Variants in TNS2 observed in about 807,000 individuals in gnomAD.
TNS2 encodes tensin 2, also known as tensin-2.
In TNS2, 77 loss-of-function variants were observed where a neutral mutation model predicts 155.7. The ratio of observed to expected loss-of-function variants is 0.49; its 90% confidence interval spans 0.41 to 0.60. The LOEUF (loss-of-function observed/expected upper bound fraction) is 0.60. Ranked by LOEUF, TNS2 falls within the 20% of genes least tolerant of loss-of-function variation. The pLI is 0.00. For synonymous variants in TNS2, 726 were observed against 763.9 expected, an observed-to-expected ratio of 0.95 and a Z score of 0.82; for missense variants, 1,703 against 1,868.8, an observed-to-expected ratio of 0.91 and a Z score of 1.64.
chr12:53,057,462 A>C (rs543021401), intron 11 of TNS2, 105 bp from the exon 12 acceptor site: 1 of 855,330 alleles, frequency 1.2e-6, no homozygotes, highest in African/African-American at 1.7e-5. Context: ...ATGGGAAGGA[A>C]GTGTTGAGCA....
At chr12:53,061,350 G>A (rs755024513) in intron 20 of TNS2, 30 bp from the exon 21 acceptor site, 20 of 1,613,536 alleles carry the variant, frequency 1.2e-5, no homozygotes, top group East Asian at 2.2e-5. Flanking sequence ...GGGTACCCTG[G>A]GGTCTGAACC....
At chr12:53,053,608 G>A (rs1944022456) in intron 4 of TNS2, 159 bp downstream of exon 4, 7 of 1,356,982 alleles carry the variant, frequency 5.2e-6, no homozygotes, top group East Asian at 4.9e-5. Flanking sequence ...TGAGTCCTCT[G>A]CTGATCTTGT....
At position 53,058,087 on chromosome 12, in the gene TNS2, C is replaced by T. The variant is rs776231716; in HGVS notation, c.1080C>T (p.Leu360=). 5.6e-6 allele frequency: 9 copies of T among 1,614,072 alleles called. No homozygotes were observed. The highest frequency in any genetic ancestry group is 1.6e-4 in the Middle Eastern group (1 of 6,084). Residue 360 remains leucine, a synonymous_variant, in exon 14 of 29, where the codon CTC becomes CTT. Coordinates refer to ENST00000314250, the MANE Select transcript of TNS2 (RefSeq NM_170754.4). ...TCAGCCTGGAGCCAGCCCTCCTCCTCAAAGGCGATGTCATGGTGAGGGGGG... is the reference window on the plus strand; with the variant it reads ...TCAGCCTGGAGCCAGCCCTCCTCCTTAAAGGCGATGTCATGGTGAGGGGGG... ...LCISLEPALL[L]KGDVMVTCYH...
chr12:53,061,047 G>A lies in TNS2; in HGVS notation c.3141G>A (p.Glu1047=), dbSNP rs141466881. 1 of 1,613,644 alleles carries A rather than the reference G, an allele frequency of 6.2e-7. No individual in the cohort carries two copies. The highest frequency in any genetic ancestry group is 8.5e-7 in the Non-Finnish European group (1 of 1,179,922). ...SQMPWLVASP[E]PPQSSPTPAF... ...TGCCCTGGCTTGTGGCCAGCCCAGA[G>A]CCGCCTCAGAGCTCACCTACACCTG... Residue 1047 remains glutamate (E), a synonymous_variant, in exon 20 of 29, where the codon GAG becomes GAA. Transcript: ENST00000314250.
In TNS2 at chr12:53,060,525, A is replaced by T; in HGVS notation, c.2738A>T (p.His913Leu). ...SELSGPSTPL[H>L]TSSPVQGKES... Reference sequence around the variant, plus strand: ...TTGTCTGGTCCCTCCACGCCCCTGCACACCAGCAGTCCAGTCCAGGGCAAG... The same window carrying T: ...TTGTCTGGTCCCTCCACGCCCCTGCTCACCAGCAGTCCAGTCCAGGGCAAG... The change falls in exon 19 of 29, where the codon CAC becomes CTC. Residue 913 changes from histidine (H) to leucine (L), a missense_variant. His to Leu is a moderately conservative substitution (Grantham distance 99). Coordinates refer to ENST00000314250, the MANE Select transcript of TNS2 (RefSeq NM_170754.4). This position sits in a 1 kb window ranked among gnomAD's most constrained non-coding sequence, Gnocchi z 6.1. 1 of 1,613,776 alleles carries T rather than the reference A, an allele frequency of 6.2e-7. No homozygotes were observed. The highest frequency in any genetic ancestry group is 8.5e-7 in the Non-Finnish European group (1 of 1,179,976).
In TNS2 at chr12:53,055,076, G is replaced by C. The variant is rs896249595; in HGVS notation, c.523-110G>C. 11 of 1,303,190 alleles carry C rather than the reference G, an allele frequency of 8.4e-6. No homozygotes were observed. In the South Asian group the frequency reaches 1.4e-4, roughly 16 times the overall value. The allele number at this position is 1,303,190 out of a possible 1,614,324, so 80.7% of individuals were successfully genotyped here. On this transcript the variant is annotated intron_variant, in intron 7 of 28. Transcript: ENST00000314250. ...TGGGGTTATAGGCGTGAGTTACTGC[G>C]ACCGGCCTGCACCTTATTTTAGAGG...
chr12:53,053,759 C>G lies in TNS2; in HGVS notation c.262-15C>G. 1 of 1,610,368 alleles carries G rather than the reference C, an allele frequency of 6.2e-7. No individual in the cohort carries two copies. Among genetic ancestry groups the G allele is most frequent in the Non-Finnish European group, 8.5e-7 (1 of 1,178,862 alleles). On this transcript the variant is annotated splice_polypyrimidine_tract_variant and intron_variant, in intron 4 of 28. Transcript: ENST00000314250. ...GTAACTAACCACTCCCTTTTCCTCCCCCATCTCCCTCTAGCGGCGAAACAC... is the reference window on the plus strand; with the variant it reads ...GTAACTAACCACTCCCTTTTCCTCCGCCATCTCCCTCTAGCGGCGAAACAC...
At chr12:53,048,854 A>T, upstream of TNS2, 2 of 253,504 alleles carry the variant, frequency 7.9e-6, no homozygotes, top group Non-Finnish European at 1.5e-5. Flanking sequence ...GCAGGAAGCA[A>T]GTAGAAGGGA....
At position 53,060,184 on chromosome 12, in the gene TNS2, T is replaced by C. The variant is rs1295586292; in HGVS notation, c.2543T>C (p.Ile848Thr). 1 of 1,598,620 alleles carries C rather than the reference T, an allele frequency of 6.3e-7. No homozygotes were observed. The highest frequency in any genetic ancestry group is 1.7e-5 in the Admixed American group (1 of 59,200). Residue 848 changes from isoleucine to threonine, a missense_variant, in exon 18 of 29, where the codon ATC becomes ACC. Transcript: ENST00000314250. This position sits in a 1 kb window ranked among gnomAD's most constrained non-coding sequence, Gnocchi z 6.1. The part of the protein sequence containing the change: ...YPQSRKLSYE[I>T]PTEEGGDRYP... ...CAATCTAGGAAGCTGAGCTACGAGA[T>C]CCCTACGGAGGAGGGAGGGGACAGG... is the stretch of plus-strand genomic sequence containing the variant.
chr12:53,047,906 C>T (rs1943784486), upstream of TNS2, among the ~76,000 whole-genome samples: 1 of 152,144 alleles, frequency 6.6e-6, no homozygotes, highest in Non-Finnish European at 1.5e-5. Flanking sequence ...GGCCTTACCC[C>T]TCCTCCGCGG....
At chr12:53,057,462 A>G in intron 11 of TNS2, 105 bp from the exon 12 acceptor site, 1 of 855,330 alleles carries the variant, frequency 1.2e-6, no homozygotes, top group Non-Finnish European at 1.9e-6. Flanking sequence ...ATGGGAAGGA[A>G]GTGTTGAGCA....
chr12:53,059,788 G>A lies in TNS2; in HGVS notation c.2147G>A (p.Gly716Glu), dbSNP rs201545439. 1.1e-5 allele frequency: 18 copies of A among 1,612,548 alleles called. No individual in the cohort carries two copies. In the African/African-American group the frequency reaches 1.3e-4, roughly 12 times the overall value. ...CGGCTGGAGAGGGAGGCTGGAGAAGGGTGGGCAAGTGAGGCTGGCAAGCCT... is the reference window on the plus strand; with the variant it reads ...CGGCTGGAGAGGGAGGCTGGAGAAGAGTGGGCAAGTGAGGCTGGCAAGCCT... Reference protein sequence around the residue: ...GLRLEREAGEGWASEAGKPLL... With the variant: ...GLRLEREAGEEWASEAGKPLL... The change falls in exon 18 of 29, where the codon GGG becomes GAG. Residue 716 changes from glycine to glutamate, a missense_variant. By Grantham distance (98) the Gly-to-Glu change is moderately conservative (BLOSUM62 -2). Transcript: ENST00000314250. The surrounding 1 kb of genome is among the most constrained non-coding windows in gnomAD (Gnocchi z 4.7).
At chr12:53,054,608 C>A (rs1944073378) in intron 7 of TNS2, among the ~76,000 whole-genome samples, 167 bp downstream of exon 7, 1 of 152,236 alleles carries the variant, frequency 6.6e-6, no homozygotes, top group Non-Finnish European at 1.5e-5. Context: ...AGCGGAGAAT[C>A]CTGGAACGCT....
In TNS2 at chr12:53,063,863, T is replaced by C; in HGVS notation, c.4211T>C (p.Leu1404Pro). Residue 1404 changes from leucine to proline, a missense_variant, in exon 29 of 29, where the codon CTA becomes CCA. Physicochemically the swap from Leu to Pro is moderately conservative, Grantham distance 98 (BLOSUM62 -3). Coordinates refer to ENST00000314250, the MANE Select transcript of TNS2 (RefSeq NM_170754.4). This position sits in a 1 kb window ranked among gnomAD's most constrained non-coding sequence, Gnocchi z 5.6. ...ATTGTCACCTTCATCACCAAAGTTC[T>C]ACTGGGCCAGAGAAAATGAAGGAAG... ...GAIVTFITKV[L>P]LGQRK 1.2e-6 allele frequency: 2 copies of C among 1,614,074 alleles called. No homozygotes were observed.
At chr12:53,049,990 C>A, upstream of TNS2, 1 of 1,385,480 alleles carries the variant, frequency 7.2e-7, no homozygotes, top group Non-Finnish European at 9.5e-7. Context: ...CCTCCACTTC[C>A]TGGAGCAGCG....
intron 3 of TNS2, among the ~76,000 whole-genome samples, chr12:53,052,813 G>A (rs1186012836): frequency 1.3e-5 from 2 of 151,326 alleles, no homozygotes; most frequent in Non-Finnish European, 3.0e-5. Context: ...TGGGTGGGGA[G>A]TGGGGGAGCA....
At chr12:53,054,798 A>G (rs1176784926) in intron 7 of TNS2, among the ~76,000 whole-genome samples, 1 of 149,242 alleles carries the variant, frequency 6.7e-6, no homozygotes. Context: ...CCTCAGCCTC[A>G]GTAGCTAGGA....
In TNS2 at chr12:53,063,427, C is replaced by T. The variant is rs1471660379; in HGVS notation, c.4061+10C>T. On this transcript the variant is annotated intron_variant, in intron 27 of 28. Transcript: ENST00000314250. This position sits in a 1 kb window ranked among gnomAD's most constrained non-coding sequence, Gnocchi z 5.6. ...ACCCTCAAGACCGGAGGTGACTCTC[C>T]CTCCAAACCCTTTGCCCCAAATCCC... 14 of 1,613,700 alleles carry T rather than the reference C, an allele frequency of 8.7e-6. No homozygotes were observed. Among genetic ancestry groups the T allele is most frequent in the Admixed American group, 1.7e-5 (1 of 60,004 alleles).
upstream of TNS2, chr12:53,049,970 C>T: frequency 1.6e-6 from 2 of 1,221,710 alleles, no homozygotes; most frequent in South Asian, 1.6e-5. Context: ...GCCTCCCCCA[C>T]ATCCTCCCCC....
Sources: gnomAD v4.1 joint callset for allele counts (sites outside exome capture counted in the v4.1 genomes callset) on GRCh38, gnomAD v4.1.1 for gene constraint, Gnocchi (gnomAD v3.1) non-coding constraint, MANE v1.5 for transcripts, NCBI Gene and HGNC (gene_info 2026-07-23, HGNC 2026-07-21) for gene names.